CELF4: variants seen among roughly 807,000 people sequenced by gnomAD.
CELF4 encodes CUG-BP- and ETR-3-like factor 4.
A neutral mutation model predicts 59.9 loss-of-function variants in CELF4; 18 were observed. That is an observed-to-expected ratio of 0.30 (90% CI 0.21 to 0.45). CELF4 has a LOEUF of 0.45. CELF4 is among the 20% of genes least tolerant of loss of function. CELF4 has a pLI of 1.00. For synonymous variants in CELF4, 261 were observed against 267.1 expected (o/e 0.98, Z 0.22); for missense variants, 456 against 689.0 (o/e 0.66, Z 3.79).
chr18:37,270,115 G>C (rs2090397314), intron 8 of CELF4, among the ~76,000 whole-genome samples: 1 of 152,240 alleles, frequency 6.6e-6, no homozygotes, highest in Admixed American at 6.5e-5. Flanking sequence ...CTCTCACCCT[G>C]TGAGGACGGC....
At chr18:37,558,724 C>T (rs748117439) in intron 1 of CELF4, among the ~76,000 whole-genome samples, 2 of 151,766 alleles carry the variant, frequency 1.3e-5, no homozygotes, top group African/African-American at 2.4e-5. Context: ...GGAGGGCAAC[C>T]GGCTCCCTGC....
chr18:37,456,896 C>A (rs1028405724), intron 2 of CELF4, among the ~76,000 whole-genome samples: 3 of 152,156 alleles, frequency 2.0e-5, no homozygotes, highest in Admixed American at 2.0e-4. Context: ...CAGCCCCAGG[C>A]CTGCATGTTT....
intron 2 of CELF4, among the ~76,000 whole-genome samples, chr18:37,402,017 G>A (rs1195605824): frequency 1.3e-5 from 2 of 152,196 alleles, no homozygotes; most frequent in Non-Finnish European, 2.9e-5. Flanking sequence ...CGTTGAGTAT[G>A]CCATCAGTTT....
At chr18:37,321,672 A>G in intron 3 of CELF4, 131 bp downstream of exon 3, 2 of 649,438 alleles carry the variant, frequency 3.1e-6, no homozygotes, top group Non-Finnish European at 5.3e-6. Flanking sequence ...TCTGTCCCCA[A>G]CCCTCAGCCA....
At chr18:37,480,765 G>C (rs1295465225) in intron 2 of CELF4, among the ~76,000 whole-genome samples, 1 of 151,998 alleles carries the variant, frequency 6.6e-6, no homozygotes, top group Non-Finnish European at 1.5e-5. Context: ...AAGTCTGAAG[G>C]ATAAAAGAAG....
chr18:37,356,144 T>G (rs2098560156), intron 2 of CELF4, among the ~76,000 whole-genome samples: 1 of 152,184 alleles, frequency 6.6e-6, no homozygotes, highest in South Asian at 2.1e-4. Flanking sequence ...CCTTTCCATT[T>G]TCTATTAGGA....
intron 2 of CELF4, among the ~76,000 whole-genome samples, chr18:37,450,031 G>C (rs1346784622): frequency 2.0e-5 from 3 of 152,138 alleles, no homozygotes; most frequent in Admixed American, 6.5e-5. Context: ...GGTTTTCCCA[G>C]AGCCCAGAAG....
chr18:37,271,002 C>G, intron 7 of CELF4, 85 bp from the exon 8 acceptor site: 4 of 1,215,394 alleles, frequency 3.3e-6, no homozygotes, highest in Non-Finnish European at 4.5e-6. Context: ...AAGCTTCACT[C>G]AACTGTTTCC....
rs191144514 is a variant in CELF4, at chr18:37,326,623, G to A, written c.370-4742C>T. Among the ~76,000 whole-genome samples the A allele has an allele frequency of 1.1e-4, 16 of 152,268 alleles. No individual in the cohort carries two copies. The South Asian group carries it at 1.2e-3, about 12-fold the overall frequency. ...TTCCCTGGGTCAGGAACAGCTACCT[G>A]CAGCTTCCCTGGAGGCTCCTGGGGT... On this transcript the variant is annotated intron_variant, in intron 2 of 12. Coordinates refer to ENST00000420428, the MANE Select transcript of CELF4 (RefSeq NM_020180.4).
intron 12 of CELF4, chr18:37,247,391 G>A (rs1338032921): frequency 6.6e-6 from 1 of 150,976 alleles, no homozygotes; most frequent in Non-Finnish European, 1.5e-5. Flanking sequence ...AGGAAGAGGT[G>A]GGGCAGGGCA....
intron 2 of CELF4, among the ~76,000 whole-genome samples, chr18:37,388,260 C>T (rs1395479328): frequency 1.3e-5 from 2 of 152,090 alleles, no homozygotes; most frequent in Non-Finnish European, 2.9e-5. Flanking sequence ...AAGTCATGCA[C>T]CATTGCGTGA....
At chr18:37,266,507 A>T (rs1355389876) in intron 9 of CELF4, 26 bp downstream of exon 9, 3 of 1,575,654 alleles carry the variant, frequency 1.9e-6, no homozygotes, top group Middle Eastern at 2.0e-4. Flanking sequence ...TTGGGGAAGG[A>T]GCCGTGGGGA....
intron 1 of CELF4, among the ~76,000 whole-genome samples, chr18:37,539,354 C>A (rs987327585): frequency 2.0e-5 from 3 of 152,114 alleles, no homozygotes; most frequent in Non-Finnish European, 2.9e-5. Context: ...GCCCACATTC[C>A]AAGCCAGACA....
At chr18:37,564,758 C>T (rs559649952) in intron 1 of CELF4, among the ~76,000 whole-genome samples, 2 of 152,084 alleles carry the variant, frequency 1.3e-5, no homozygotes, top group East Asian at 1.9e-4. Context: ...CCCCAACACA[C>T]ACCACCATTC....
intron 2 of CELF4, among the ~76,000 whole-genome samples, chr18:37,441,256 C>T (rs1217524985): frequency 1.3e-5 from 2 of 150,842 alleles, no homozygotes; most frequent in Non-Finnish European, 2.9e-5. Context: ...CTCCCTACCT[C>T]CCAGAACTCA....
chr18:37,477,835 C>T lies in CELF4; in HGVS notation c.369+7690G>A, dbSNP rs115472047. On this transcript the variant is annotated intron_variant, in intron 2 of 12. Transcript: ENST00000420428. ...TCGCAGGGGGCAGGCTATCTGTAAA[C>T]GCTGCTGCCGCTGACTTGGGTGATG... Among the ~76,000 whole-genome samples the T allele has an allele frequency of 4.1e-3, 621 of 152,306 alleles. 7 individuals carry two copies. The highest frequency in any genetic ancestry group is 0.014 in the African/African-American group (580 of 41,574).
rs143507887 is a variant in CELF4, at chr18:37,513,593, T to C, written c.287-27986A>G. ...TCTTTCACTCACTCCAGGGCCTCTT[T>C]AGTCTGCACCAACCTTCTCTTTCCA... On this transcript the variant is annotated intron_variant, in intron 1 of 12. Coordinates refer to ENST00000420428, the MANE Select transcript of CELF4 (RefSeq NM_020180.4). 3.4e-3 allele frequency among the ~76,000 whole-genome samples: 515 copies of C among 152,306 alleles called. 2 individuals are homozygous for C. The highest frequency in any genetic ancestry group is 0.012 in the African/African-American group (485 of 41,562).
At chr18:37,442,397 G>A (rs939334251) in intron 2 of CELF4, among the ~76,000 whole-genome samples, 1 of 152,152 alleles carries the variant, frequency 6.6e-6, no homozygotes, top group Admixed American at 6.5e-5. Flanking sequence ...TTAAAAACTA[G>A]ATCTCAGAAA....
At chr18:37,366,168 G>A (rs1436366761) in intron 2 of CELF4, among the ~76,000 whole-genome samples, 3 of 152,180 alleles carry the variant, frequency 2.0e-5, no homozygotes, top group Admixed American at 6.5e-5. Context: ...TGAGGAGGAT[G>A]GTCTCTGCTT....
Sources: gnomAD v4.1 joint callset for allele counts (sites outside exome capture counted in the v4.1 genomes callset) on GRCh38, gnomAD v4.1.1 for gene constraint, MANE v1.5 for transcripts, NCBI Gene and HGNC (gene_info 2026-07-23, HGNC 2026-07-21) for gene names.